The following SDK2 variants were observed in gnomAD, a reference collection of about 807,000 sequenced individuals.
SDK2 encodes protein sidekick-2.
A neutral mutation model predicts 253.9 loss-of-function variants in SDK2; 105 were observed. The ratio of observed to expected loss-of-function variants is 0.41; its 90% confidence interval spans 0.35 to 0.49. SDK2 has a LOEUF of 0.49. Ranked by LOEUF, SDK2 falls within the 20% of genes least tolerant of loss-of-function variation. SDK2 has a pLI of 0.06. For synonymous variants in SDK2, 1,249 were observed against 1,234.9 expected (o/e 1.01, Z -0.24); for missense variants, 2,608 against 3,003.0 (o/e 0.87, Z 3.07).
At chr17:73,466,725 C>T (rs1013142925) in intron 3 of SDK2, among the ~76,000 whole-genome samples, 2 of 145,522 alleles carry the variant, frequency 1.4e-5, no homozygotes, top group African/African-American at 2.6e-5. Context: ...GCCCCCCCCC[C>T]CCGGCTTAGG....
At chr17:73,390,209 C>T (rs928709157) in intron 29 of SDK2, 78 bp downstream of exon 29, 7 of 1,239,276 alleles carry the variant, frequency 5.6e-6, no homozygotes, top group South Asian at 1.6e-5. Context: ...ACCAGCCATC[C>T]ACTAGGAACA....
intron 19 of SDK2, 79 bp from the exon 20 acceptor site, chr17:73,401,831 G>A: frequency 7.0e-7 from 1 of 1,428,564 alleles, no homozygotes; most frequent in Non-Finnish European, 9.6e-7. Flanking sequence ...ATAGCCTGTG[G>A]TAATCTGGGG....
At position 73,609,208 on chromosome 17, in the gene SDK2, G is replaced by GGAT. The variant is rs2045945004; in HGVS notation, c.64+34816_64+34817insATC. Among the ~76,000 whole-genome samples, 1 of 151,966 alleles carries GGAT rather than the reference G, an allele frequency of 6.6e-6. No homozygotes were observed. Among genetic ancestry groups the GGAT allele is most frequent in the African/African-American group, 2.4e-5 (1 of 41,340 alleles). Reference sequence around the variant, plus strand: ...AATGCAGTGTTGGAGAGATAAGCCTGGAGTGTGAGAGATGGGTCTGGGCTG... The same window carrying GGAT: ...AATGCAGTGTTGGAGAGATAAGCCTGGATGAGTGTGAGAGATGGGTCTGGGCTG... On this transcript the variant is annotated intron_variant, in intron 1 of 44. Transcript: ENST00000392650. This position sits in a 1 kb window ranked among gnomAD's most constrained non-coding sequence, Gnocchi z 4.4.
Position 73,418,024 on chromosome 17 carries a change from T to TG in SDK2, c.2186+1141_2186+1142insC, listed in dbSNP as rs201160362. Reference sequence around the variant, plus strand: ...CTCCTAGATGAGTTTTTTTTTTTTTTTTTTGTTTTTAGATGGAGTCTCGCC... The same window carrying TG: ...CTCCTAGATGAGTTTTTTTTTTTTTTGTTTTGTTTTTAGATGGAGTCTCGCC... On this transcript the variant is annotated intron_variant, in intron 16 of 44. Transcript: ENST00000392650. Among the ~76,000 whole-genome samples the TG allele has an allele frequency of 5.5e-3, 820 of 150,072 alleles. 11 individuals are homozygous for TG. Among genetic ancestry groups the TG allele is most frequent in the African/African-American group, 0.019 (776 of 40,782 alleles).
intron 37 of SDK2, among the ~76,000 whole-genome samples, chr17:73,366,780 C>G (rs925893776): frequency 6.6e-6 from 1 of 152,022 alleles, no homozygotes; most frequent in Non-Finnish European, 1.5e-5. Flanking sequence ...TGTGACAGTG[C>G]CTGACTACCA....
chr17:73,398,547 A>C, intron 22 of SDK2, 118 bp from the exon 23 acceptor site: 1 of 762,248 alleles, frequency 1.3e-6, no homozygotes, highest in Non-Finnish European at 2.2e-6. Context: ...GCTCATCTGG[A>C]GGGCACCATA....
chr17:73,549,811 A>C (rs2045026191), intron 1 of SDK2, among the ~76,000 whole-genome samples: 1 of 152,138 alleles, frequency 6.6e-6, no homozygotes, highest in African/African-American at 2.4e-5. Context: ...AGGTGGCATG[A>C]TGAGAGGCAC....
chr17:73,473,223 G>A (rs755492794), intron 2 of SDK2, among the ~76,000 whole-genome samples: 2 of 152,204 alleles, frequency 1.3e-5, no homozygotes, highest in Non-Finnish European at 2.9e-5. Context: ...TCTGGCATTG[G>A]GGGGCAGGCG....
At chr17:73,500,359 CCTCCATCCTT>C (rs1179776859) in intron 2 of SDK2, among the ~76,000 whole-genome samples, 1 of 145,396 alleles carries the variant, frequency 6.9e-6, no homozygotes, top group Non-Finnish European at 1.5e-5. Context: ...CCTCCATTCT[CCTCCATCCTT>C]CTCCATCCTC....
At chr17:73,558,397 A>C (rs955656676) in intron 1 of SDK2, among the ~76,000 whole-genome samples, 5 of 151,754 alleles carry the variant, frequency 3.3e-5, no homozygotes, top group Non-Finnish European at 5.9e-5. Context: ...TTCTGAAATT[A>C]ACTTCAGTTA....
intron 1 of SDK2, among the ~76,000 whole-genome samples, chr17:73,509,566 G>T (rs1451825740): frequency 6.7e-6 from 1 of 150,326 alleles, no homozygotes; most frequent in Non-Finnish European, 1.5e-5. Flanking sequence ...GAGGTGGGAG[G>T]ATCGCTTGAG....
At chr17:73,588,621 C>T (rs977127097) in intron 1 of SDK2, among the ~76,000 whole-genome samples, 6 of 143,488 alleles carry the variant, frequency 4.2e-5, no homozygotes, top group Non-Finnish European at 9.1e-5. Flanking sequence ...TTGGTCGTCA[C>T]AACTGGCATC....
At chr17:73,598,665 C>T (rs995764604) in intron 1 of SDK2, among the ~76,000 whole-genome samples, 1 of 152,158 alleles carries the variant, frequency 6.6e-6, no homozygotes, top group Non-Finnish European at 1.5e-5. Context: ...GATCGCTGGC[C>T]TTTTTCTTTA....
Position 73,435,529 on chromosome 17 carries a change from GGGCACCA to G in SDK2, c.1109_1115del (p.Leu370ProfsTer42). The stretch of plus-strand genomic sequence containing the variant: ...AGCACTGGAACATGCCGGTATCATC[GGGCACCA>G]GGCCGCTGATCTGCAGGCCCCCGTC... On this transcript the variant is annotated frameshift_variant, in exon 9 of 45. Transcript: ENST00000392650. LOFTEE classifies it high-confidence loss of function. The surrounding 1 kb of genome is among the most constrained non-coding windows in gnomAD (Gnocchi z 5.7). 1.9e-6 allele frequency: 3 copies of G among 1,599,292 alleles called. No homozygotes were observed. The highest frequency in any genetic ancestry group is 2.6e-6 in the Non-Finnish European group (3 of 1,173,440).
At position 73,609,675 on chromosome 17, in the gene SDK2, A is replaced by AGAGGCCTT. The variant is rs2045950036; in HGVS notation, c.64+34349_64+34350insAAGGCCTC. ...ATGGGAATGACTTTCAAGGGAGGTA[A>AGAGGCCTT]TGGGTACCCTCTTACCTACGTGCAG... On this transcript the variant is annotated intron_variant, in intron 1 of 44. Coordinates refer to ENST00000392650, the MANE Select transcript of SDK2 (RefSeq NM_001144952.2). This position sits in a 1 kb window ranked among gnomAD's most constrained non-coding sequence, Gnocchi z 4.4. 6.6e-6 allele frequency among the ~76,000 whole-genome samples: 1 copy of AGAGGCCTT among 152,178 alleles called. No individual in the cohort carries two copies. The highest frequency in any genetic ancestry group is 2.4e-5 in the African/African-American group (1 of 41,430).
rs1187682882 is a variant in SDK2 at position 73,414,528 on chromosome 17, G to C, written c.2484+116C>G. Reference sequence around the variant, plus strand: ...CTAATGTGTGTCCCTAGCTTGACTCGAGCCAATGACTTCAGAAACAGAGGG... The same window carrying C: ...CTAATGTGTGTCCCTAGCTTGACTCCAGCCAATGACTTCAGAAACAGAGGG... On this transcript the variant is annotated intron_variant, in intron 18 of 44. Transcript: ENST00000392650. 8 of 765,102 alleles carry C rather than the reference G, an allele frequency of 1.0e-5. No individual in the cohort carries two copies. The East Asian group carries it at 2.1e-4, about 21-fold the overall frequency. 47.4% of individuals were successfully genotyped at this position (765,102 alleles called of 1,614,324 possible).
chr17:73,532,337 G>A lies in SDK2; in HGVS notation c.65-24740C>T, dbSNP rs566562433. On this transcript the variant is annotated intron_variant, in intron 1 of 44. Transcript: ENST00000392650. ...CAGGGCCTTGCCTTGACCCTGCCAC[G>A]CAGTAGGCCCGCATCGTGTGTCTGC... 1.6e-4 allele frequency among the ~76,000 whole-genome samples: 24 copies of A among 152,250 alleles called. No homozygotes were observed. The South Asian group carries it at 3.5e-3, about 22-fold the overall frequency.
At chr17:73,516,291 C>A (rs1328191620) in intron 1 of SDK2, among the ~76,000 whole-genome samples, 1 of 152,242 alleles carries the variant, frequency 6.6e-6, no homozygotes, top group Non-Finnish European at 1.5e-5. Context: ...GGAGATGGTA[C>A]TGGTCAGGGT....
chr17:73,473,227 G>T (rs2063664261), intron 2 of SDK2, among the ~76,000 whole-genome samples: 2 of 152,232 alleles, frequency 1.3e-5, no homozygotes, highest in Admixed American at 1.3e-4. Flanking sequence ...GCATTGGGGG[G>T]CAGGCGGCTG....
Sources: gnomAD v4.1 joint callset for allele counts (sites outside exome capture counted in the v4.1 genomes callset) on GRCh38, gnomAD v4.1.1 for gene constraint, Gnocchi (gnomAD v3.1) non-coding constraint, MANE v1.5 for transcripts, NCBI Gene and HGNC (gene_info 2026-07-23, HGNC 2026-07-21) for gene names.